Variants in ATP10B observed in about 807,000 individuals in gnomAD.
The protein encoded by ATP10B is ATPase phospholipid transporting 10B (putative).
ATP10B carries 122 observed loss-of-function variants against 141.2 expected under a neutral mutation model. The ratio of observed to expected loss-of-function variants is 0.86; its 90% CI spans 0.75 to 1.00. The LOEUF (loss-of-function observed/expected upper bound fraction) is 1.00. Ranked by LOEUF, ATP10B falls within the 50% of genes least tolerant of loss-of-function variation. The pLI is 0.00. For synonymous variants in ATP10B, 685 were observed against 692.0 expected (o/e 0.99, Z 0.16); for missense variants, 1,876 against 1,825.3 (o/e 1.03, Z -0.51).
chr5:160,572,052 CCAAAA>C (rs1336002760), intron 24 of ATP10B, among the ~76,000 whole-genome samples: 1 of 152,114 alleles, frequency 6.6e-6, no homozygotes, highest in African/African-American at 2.4e-5. Context: ...ATCAAGTCTG[CCAAAA>C]CAAAAGTTCA....
intron 1 of ATP10B, among the ~76,000 whole-genome samples, chr5:160,831,240 T>A (rs1256129332): frequency 6.6e-6 from 1 of 152,062 alleles, no homozygotes; most frequent in Admixed American, 6.6e-5. Flanking sequence ...CTTAGCACAG[T>A]GGCTGGCATA....
At chr5:160,714,749 T>A (rs1765487090) in intron 3 of ATP10B, among the ~76,000 whole-genome samples, 1 of 123,510 alleles carries the variant, frequency 8.1e-6, no homozygotes, top group Admixed American at 8.0e-5. Flanking sequence ...TGTGGTTTTA[T>A]CTACTTTTGG....
intron 10 of ATP10B, among the ~76,000 whole-genome samples, chr5:160,637,776 G>T (rs1759529552): frequency 6.6e-6 from 1 of 152,238 alleles, no homozygotes; most frequent in African/African-American, 2.4e-5. Context: ...AAGGCATAGA[G>T]GATGTTGCAA....
At position 160,785,687 on chromosome 5, in the gene ATP10B, A is replaced by G; in HGVS notation, c.-459T>C. 1.6e-6 allele frequency: 2 copies of G among 1,287,972 alleles called. No homozygotes were observed. The highest frequency in any genetic ancestry group is 2.0e-6 in the Non-Finnish European group (2 of 988,058). The allele number at this position is 1,287,972 out of a possible 1,614,324, so 79.8% of individuals were successfully genotyped here. On this transcript the variant is annotated 5_prime_UTR_variant, in exon 2 of 26. Coordinates refer to ENST00000327245, the MANE Select transcript of ATP10B (RefSeq NM_025153.3). ...GTTTCTCATCTTGGCAGTGGAGAGG[A>G]GTTCATTATCTCCACTGAGTGAGAT...
chr5:160,874,519 C>A, the ATP10B span, among the ~76,000 whole-genome samples: 91,756 of 151,800 alleles, frequency 0.6, 29,674 homozygotes, highest in East Asian at 0.85. Flanking sequence ...CAGCAACGGA[C>A]CAAAGCTGGA....
chr5:160,796,957 G>C (rs934353893), intron 1 of ATP10B, among the ~76,000 whole-genome samples: 4 of 152,182 alleles, frequency 2.6e-5, no homozygotes, highest in Non-Finnish European at 5.9e-5. Context: ...AATCTTCTTA[G>C]GGTGGGAACT....
At chr5:160,718,778 G>A (rs1012545194) in intron 2 of ATP10B, among the ~76,000 whole-genome samples, 2 of 152,070 alleles carry the variant, frequency 1.3e-5, no homozygotes, top group African/African-American at 4.8e-5. Context: ...CCGACCCCAT[G>A]GCCCAAACAC....
At chr5:160,850,421 C>T (rs926687773) in intron 1 of ATP10B, among the ~76,000 whole-genome samples, 1 of 152,022 alleles carries the variant, frequency 6.6e-6, no homozygotes, top group Non-Finnish European at 1.5e-5. Context: ...AAGACTCCAT[C>T]TCAAAACAAA....
chr5:160,915,927 G>A, the ATP10B span, among the ~76,000 whole-genome samples: 1 of 152,142 alleles, frequency 6.6e-6, no homozygotes, highest in Non-Finnish European at 1.5e-5. Flanking sequence ...CCAGCATACT[G>A]TAAAAATCAC....
At position 160,615,925 on chromosome 5, in the gene ATP10B, G is replaced by T. The variant is rs749983555; in HGVS notation, c.2566C>A (p.Arg856=). The T allele has an allele frequency of 1.2e-6, 2 of 1,613,606 alleles. No individual in the cohort carries two copies. The highest frequency in any genetic ancestry group is 1.7e-6 in the Non-Finnish European group (2 of 1,179,772). The change falls in exon 17 of 26, where the codon CGG becomes AGG. Residue 856 remains arginine (R), a synonymous_variant. Coordinates refer to ENST00000327245, the MANE Select transcript of ATP10B (RefSeq NM_025153.3). ...EEDFRRWASF[R]REAEASLDNR... ...TCGAGGGATGCCTCAGCCTCACGCC[G>T]GAAACTGGCCCATCTCCGGAAGTCC... is the stretch of plus-strand genomic sequence containing the variant.
chr5:160,873,681 T>C, the ATP10B span, among the ~76,000 whole-genome samples: 3 of 152,180 alleles, frequency 2.0e-5, no homozygotes, highest in Admixed American at 6.5e-5. Context: ...GTGCACGCAC[T>C]GTGCGCGAGC....
the ATP10B span, among the ~76,000 whole-genome samples, chr5:160,858,513 G>A: frequency 6.6e-6 from 1 of 151,868 alleles, no homozygotes; most frequent in Non-Finnish European, 1.5e-5. Context: ...CCACCTGCCA[G>A]TGGGTCTGTA....
the ATP10B span, among the ~76,000 whole-genome samples, chr5:160,909,220 G>A: frequency 6.6e-6 from 1 of 152,184 alleles, no homozygotes; most frequent in African/African-American, 2.4e-5. Flanking sequence ...TTTCAGCACT[G>A]TAAGAAGCCA....
chr5:160,856,049 C>T (rs114723960), upstream of ATP10B, among the ~76,000 whole-genome samples: 1 of 151,598 alleles, frequency 6.6e-6, no homozygotes, highest in Non-Finnish European at 1.5e-5. Context: ...ATTGTTTTAA[C>T]TATTCTTGGT....
At chr5:160,861,797 T>A in the ATP10B span, among the ~76,000 whole-genome samples, 1 of 151,950 alleles carries the variant, frequency 6.6e-6, no homozygotes, top group Admixed American at 6.6e-5. Flanking sequence ...AAATGAGTTT[T>A]TATTTATGTG....
chr5:160,817,671 A>G (rs1220097052), intron 1 of ATP10B, among the ~76,000 whole-genome samples: 3 of 152,208 alleles, frequency 2.0e-5, no homozygotes, highest in Non-Finnish European at 2.9e-5. Context: ...ATGGAACCAA[A>G]AAAGAGCCCG....
the ATP10B span, among the ~76,000 whole-genome samples, chr5:160,919,681 C>T: frequency 1.3e-5 from 2 of 152,310 alleles, no homozygotes; most frequent in South Asian, 4.1e-4. Context: ...GCTGACTGAT[C>T]TCTGTCATGT....
intron 24 of ATP10B, among the ~76,000 whole-genome samples, chr5:160,576,189 G>A (rs999777262): frequency 2.6e-5 from 4 of 152,174 alleles, no homozygotes; most frequent in Admixed American, 1.3e-4. Context: ...CCAAAACCAG[G>A]AGACAGTGTC....
rs181776760 is a variant in ATP10B at position 160,629,677 on chromosome 5, C to T, written c.1620+2452G>A. Among the ~76,000 whole-genome samples, 3 of 152,278 alleles carry T rather than the reference C, an allele frequency of 2.0e-5. No individual in the cohort carries two copies. In the East Asian group the frequency reaches 5.8e-4, roughly 29 times the overall value. On this transcript the variant is annotated intron_variant, in intron 13 of 25. Coordinates refer to ENST00000327245, the MANE Select transcript of ATP10B (RefSeq NM_025153.3). ...CCATTAGGTATCTGTCTAGAACACACAATTTTAAGAATTAAATCCTCAAAA... is the reference window on the plus strand; with the variant it reads ...CCATTAGGTATCTGTCTAGAACACATAATTTTAAGAATTAAATCCTCAAAA...
Sources: gnomAD v4.1 joint callset for allele counts (sites outside exome capture counted in the v4.1 genomes callset) on GRCh38, gnomAD v4.1.1 for gene constraint, MANE v1.5 for transcripts, NCBI Gene and HGNC (gene_info 2026-07-23, HGNC 2026-07-21) for gene names.